Variants in FAF1 observed in about 807,000 individuals in gnomAD.
FAF1 encodes FAS-associated factor 1.
In FAF1, 25 loss-of-function variants were observed where a neutral mutation model predicts 92.5. That is an observed-to-expected ratio of 0.27 (90% CI 0.20 to 0.38). The LOEUF is 0.38. Among genes scored for constraint, FAF1 ranks in the 10% least tolerant of loss-of-function variants. The pLI is 1.00. For missense variants in FAF1, 636 were observed against 793.3 expected, an observed-to-expected ratio of 0.80 and a Z score of 2.38; for synonymous variants, 234 against 273.2, an observed-to-expected ratio of 0.86 and a Z score of 1.42.
At chr1:50,630,714 T>G (rs1317269245) in intron 8 of FAF1, among the ~76,000 whole-genome samples, 1 of 152,160 alleles carries the variant, frequency 6.6e-6, no homozygotes, top group Non-Finnish European at 1.5e-5. Context: ...TATTGAAAAG[T>G]GTATCATATA....
At chr1:50,771,601 T>C (rs1189897640) in intron 4 of FAF1, among the ~76,000 whole-genome samples, 22 of 152,062 alleles carry the variant, frequency 1.4e-4, no homozygotes, top group Admixed American at 1.4e-3. Flanking sequence ...TGGCTATTAT[T>C]AAAAACAAAA....
chr1:50,698,575 A>G (rs1347414906), intron 7 of FAF1, among the ~76,000 whole-genome samples: 1 of 152,134 alleles, frequency 6.6e-6, no homozygotes, highest in Non-Finnish European at 1.5e-5. Flanking sequence ...GGTCTGCTGC[A>G]AAAAATTTTT....
intron 8 of FAF1, among the ~76,000 whole-genome samples, chr1:50,617,276 T>C (rs1484750342): frequency 1.3e-5 from 2 of 152,198 alleles, no homozygotes; most frequent in African/African-American, 2.4e-5. Flanking sequence ...AGCTGTGGGT[T>C]TGTGGTTAAT....
At chr1:50,885,312 T>TCACACACACACACACACACACACACA (rs376434464) in intron 1 of FAF1, among the ~76,000 whole-genome samples, 4 of 137,334 alleles carry the variant, frequency 2.9e-5, no homozygotes, top group South Asian at 2.3e-4. Context: ...TCTCTCTCTC[T>TCACACACACACACACACACACACACA]CACACACACA....
intron 18 of FAF1, among the ~76,000 whole-genome samples, chr1:50,466,982 C>T (rs920756920): frequency 6.6e-6 from 1 of 152,202 alleles, no homozygotes; most frequent in Non-Finnish European, 1.5e-5. Flanking sequence ...ATCTCTTTTA[C>T]ACAATCTCTC....
intron 8 of FAF1, among the ~76,000 whole-genome samples, chr1:50,631,092 T>C (rs573032821): frequency 6.6e-6 from 1 of 152,174 alleles, no homozygotes; most frequent in African/African-American, 2.4e-5. Context: ...GCCCAGCCTC[T>C]ATTTTCATTC....
intron 15 of FAF1, among the ~76,000 whole-genome samples, chr1:50,500,208 T>A (rs1324761406): frequency 1.3e-5 from 2 of 152,180 alleles, no homozygotes; most frequent in Admixed American, 1.3e-4. Context: ...AAAAGAATTA[T>A]GGATAAAAAA....
At chr1:50,871,889 C>A (rs979874573) in intron 1 of FAF1, among the ~76,000 whole-genome samples, 4 of 151,972 alleles carry the variant, frequency 2.6e-5, no homozygotes, top group African/African-American at 9.6e-5. Flanking sequence ...CACGGTGAAA[C>A]CCCGTCTCTA....
chr1:50,818,308 G>A (rs990092424), intron 2 of FAF1, among the ~76,000 whole-genome samples: 35 of 152,142 alleles, frequency 2.3e-4, no homozygotes, highest in African/African-American at 8.2e-4. Flanking sequence ...GTAAAATGGT[G>A]CAGCTACTTT....
chr1:50,662,220 T>G (rs1655405601), intron 7 of FAF1, among the ~76,000 whole-genome samples: 2 of 152,182 alleles, frequency 1.3e-5, no homozygotes, highest in South Asian at 2.1e-4. Context: ...CAGAAAACAA[T>G]GAAGATCTGT....
intron 7 of FAF1, among the ~76,000 whole-genome samples, chr1:50,687,840 G>T (rs1317759090): frequency 6.6e-6 from 1 of 151,778 alleles, no homozygotes; most frequent in East Asian, 1.9e-4. Context: ...CATTAGAATG[G>T]CTATTCTAAA....
At chr1:50,826,207 G>C (rs914230819) in intron 2 of FAF1, among the ~76,000 whole-genome samples, 3 of 152,076 alleles carry the variant, frequency 2.0e-5, no homozygotes, top group African/African-American at 7.2e-5. Flanking sequence ...TTCTTGTGTG[G>C]AGAAAGCCAC....
In FAF1 at chr1:50,924,073, C is replaced by G. The variant is rs975472570; in HGVS notation, c.45+35694G>C. 2.6e-5 allele frequency among the ~76,000 whole-genome samples: 4 copies of G among 152,158 alleles called. No individual in the cohort carries two copies. In the East Asian group the frequency reaches 7.7e-4, roughly 29 times the overall value. ...TACTAGAAGTCTTAGCTATAGCAAC[C>G]AGACAAGAGGAAGAAGTAAAAGGTA... On this transcript the variant is annotated intron_variant, in intron 1 of 18. Transcript: ENST00000396153.
chr1:50,523,591 C>T (rs777493412), intron 15 of FAF1, among the ~76,000 whole-genome samples: 47 of 151,938 alleles, frequency 3.1e-4, no homozygotes, highest in Non-Finnish European at 5.4e-4. Context: ...AGTCTTTTGC[C>T]GATTTTTTAA....
intron 2 of FAF1, among the ~76,000 whole-genome samples, chr1:50,829,165 G>A (rs1644131027): frequency 6.6e-6 from 1 of 152,172 alleles, no homozygotes; most frequent in Non-Finnish European, 1.5e-5. Context: ...AACTCTGCCA[G>A]TAGAGAGTAG....
At chr1:50,663,222 T>TGTTG (rs1655469299) in intron 7 of FAF1, among the ~76,000 whole-genome samples, 1 of 151,592 alleles carries the variant, frequency 6.6e-6, no homozygotes, top group Non-Finnish European at 1.5e-5. Context: ...ACAGTGGTTC[T>TGTTG]TAAAGAGGGT....
chr1:50,853,615 G>C (rs1035462577), intron 2 of FAF1, among the ~76,000 whole-genome samples: 1 of 152,032 alleles, frequency 6.6e-6, no homozygotes, highest in Non-Finnish European at 1.5e-5. Flanking sequence ...TTAAAACGTA[G>C]TATGGCTAGG....
At position 50,521,320 on chromosome 1, in the gene FAF1, T is replaced by A. The variant is rs952375506; in HGVS notation, c.1494+14049A>T. The stretch of plus-strand genomic sequence containing the variant: ...GCAAACATGGCCATATAAGGCCCCA[T>A]GGGAAATAAAAATTCATGAGGAATA... On this transcript the variant is annotated intron_variant, in intron 15 of 18. Coordinates refer to ENST00000396153, the MANE Select transcript of FAF1 (RefSeq NM_007051.3). Among the ~76,000 whole-genome samples the A allele has an allele frequency of 3.3e-5, 5 of 152,194 alleles. No homozygotes were observed. In the East Asian group the frequency reaches 9.6e-4, roughly 29 times the overall value.
intron 2 of FAF1, among the ~76,000 whole-genome samples, chr1:50,835,576 A>G (rs1484720357): frequency 7.5e-6 from 1 of 133,044 alleles, no homozygotes; most frequent in Non-Finnish European, 1.7e-5. Flanking sequence ...ATCTCAAAAA[A>G]AAAAAAAAAA....
Sources: gnomAD v4.1 joint callset for allele counts (sites outside exome capture counted in the v4.1 genomes callset) on GRCh38, gnomAD v4.1.1 for gene constraint, MANE v1.5 for transcripts, NCBI Gene and HGNC (gene_info 2026-07-23, HGNC 2026-07-21) for gene names.